The following HMCN2 variants were observed in gnomAD, a reference collection of about 807,000 sequenced individuals.
HMCN2 encodes the protein hemicentin-2.
In HMCN2, 325 loss-of-function variants were observed where a neutral mutation model predicts 377.5. The ratio of observed to expected loss-of-function variants is 0.86; its 90% confidence interval spans 0.79 to 0.94. HMCN2 has a LOEUF of 0.94. HMCN2 is among the 40% of genes least tolerant of loss of function. The pLI is 0.00. For missense variants in HMCN2, 4,543 were observed against 4,725.3 expected, an observed-to-expected ratio of 0.96 and a Z score of 1.13; for synonymous variants, 2,007 against 2,046.8, an observed-to-expected ratio of 0.98 and a Z score of 0.53.
At chr9:130,425,966 A>G (rs1195082465) in intron 90 of HMCN2, 42 bp downstream of exon 90, 5 of 1,441,436 alleles carry the variant, frequency 3.5e-6, no homozygotes, top group Non-Finnish European at 4.7e-6. Flanking sequence ...TGCCCCAGCT[A>G]AAACCTGCCA....
intron 57 of HMCN2, 64 bp from the exon 58 acceptor site, chr9:130,384,309 G>A: frequency 2.5e-6 from 3 of 1,221,058 alleles, no homozygotes; most frequent in South Asian, 1.4e-5. Flanking sequence ...TTTCTCTTGG[G>A]CTCTGTGCTC....
chr9:130,390,418 G>T (rs1261452194), intron 62 of HMCN2, among the ~76,000 whole-genome samples: 1 of 152,222 alleles, frequency 6.6e-6, no homozygotes, highest in Non-Finnish European at 1.5e-5. Context: ...TGGACATGGG[G>T]CAGTTGCTCG....
At chr9:130,365,803 C>G (rs1252926236) in intron 42 of HMCN2, 73 bp from the exon 43 acceptor site, 1 of 980,580 alleles carries the variant, frequency 1.0e-6, no homozygotes, top group African/African-American at 1.8e-5. Flanking sequence ...CCTCCTCCAG[C>G]CTGCCCTCGC....
Position 130,374,593 on chromosome 9 carries a change from GCAGGTCCTC to G in HMCN2, c.7535_7543del (p.Val2512_Gln2514del), listed in dbSNP as rs1278107547. The G allele has an allele frequency of 1.0e-6, 1 of 985,660 alleles. No individual in the cohort carries two copies. Among genetic ancestry groups the G allele is most frequent in the Non-Finnish European group, 1.2e-6 (1 of 829,962 alleles). 61.1% of individuals were successfully genotyped at this position (985,660 alleles called of 1,614,324 possible). On this transcript the variant is annotated inframe_deletion, in exon 49 of 98. Transcript: ENST00000683500. Reference sequence around the variant, plus strand: ...ACATCTCCCCAGACGGAGTCCTCCTGCAGGTCCTCCAGGCAAACCTGTCCAGTGCTGGCC... The same window carrying G: ...ACATCTCCCCAGACGGAGTCCTCCTGCAGGCAAACCTGTCCAGTGCTGGCC...
In HMCN2 at chr9:130,429,656, G is replaced by A. The variant is rs973399372; in HGVS notation, c.14297G>A (p.Arg4766Gln). The A allele has an allele frequency of 2.8e-5, 44 of 1,543,904 alleles. No homozygotes were observed. The Admixed American group carries it at 3.2e-4, about 11-fold the overall frequency. ...GHRCSCPRGY[R>Q]MQGPSLPCLD... ...CGCTGCAGCTGCCCCAGGGGTTACC[G>A]GATGCAGGGCCCCAGCCTGCCCTGC... is the stretch of plus-strand genomic sequence containing the variant. The change falls in exon 94 of 98, where the codon CGG (arginine) becomes CAG (glutamine). Residue 4766 changes from arginine (R) to glutamine (Q), a missense_variant. Around this residue, in one of 5 missense-constraint regions of HMCN2, gnomAD observed 1,155 missense variants for 1,157.7 expected, o/e 1.00. Transcript: ENST00000683500.
intron 1 of HMCN2, among the ~76,000 whole-genome samples, chr9:130,269,372 C>G (rs2131208234): frequency 7.0e-6 from 1 of 142,532 alleles, no homozygotes; most frequent in Non-Finnish European, 1.5e-5. Context: ...AAGAAACTCT[C>G]TTGTAAAAAT....
chr9:130,399,491 C>A lies in HMCN2; in HGVS notation c.11484-20C>A. The stretch of plus-strand genomic sequence containing the variant: ...TCTGTCAGCCCAGCAGCCACTTGGC[C>A]GTCTGTCTGTCCACCCCAGGCTCCT... On this transcript the variant is annotated intron_variant, in intron 75 of 97. Coordinates refer to ENST00000683500, the MANE Select transcript of HMCN2 (RefSeq NM_001291815.2). 1 of 1,263,330 alleles carries A rather than the reference C, an allele frequency of 7.9e-7. No individual in the cohort carries two copies. Among genetic ancestry groups the A allele is most frequent in the South Asian group, 1.3e-5 (1 of 79,218 alleles). The allele number at this position is 1,263,330 out of a possible 1,614,324, so 78.3% of individuals were successfully genotyped here. A position where few individuals can be genotyped will look rare whatever the true frequency, so the allele number is the denominator to read the frequency against.
chr9:130,397,412 A>G, intron 73 of HMCN2, 116 bp from the exon 74 acceptor site: 2 of 1,031,678 alleles, frequency 1.9e-6, no homozygotes, highest in East Asian at 6.2e-5. Context: ...GAGCCAAACC[A>G]TATCAGCATC....
chr9:130,397,548 G>A lies in HMCN2; in HGVS notation c.11219G>A (p.Gly3740Asp), dbSNP rs1312795187. Reference protein sequence around the residue: ...RSPRFEILPEGSLRIQPVLAQ... With the variant: ...RSPRFEILPEDSLRIQPVLAQ... Reference sequence around the variant, plus strand: ...TCTAGGTTTGAAATTCTGCCTGAGGGTTCCCTGAGAATCCAGCCAGTCCTT... The same window carrying A: ...TCTAGGTTTGAAATTCTGCCTGAGGATTCCCTGAGAATCCAGCCAGTCCTT... Residue 3740 changes from glycine to aspartate, a missense_variant, in exon 74 of 98, where the codon GGT becomes GAT. This residue lies in a region of HMCN2 where 1,073 missense variants were observed against 1,319.5 expected (regional missense o/e 0.81). Coordinates refer to ENST00000683500, the MANE Select transcript of HMCN2 (RefSeq NM_001291815.2). 2.3e-6 allele frequency: 3 copies of A among 1,289,722 alleles called. No homozygotes were observed. The highest frequency in any genetic ancestry group is 4.6e-5 in the Admixed American group (2 of 43,542). The allele number at this position is 1,289,722 out of a possible 1,614,324, so 79.9% of individuals were successfully genotyped here.
intron 80 of HMCN2, among the ~76,000 whole-genome samples, 178 bp from the exon 81 acceptor site, chr9:130,404,691 A>G (rs1843005849): frequency 1.3e-5 from 2 of 152,264 alleles, no homozygotes; most frequent in South Asian, 4.1e-4. Context: ...CAGCTACACC[A>G]AACTCAGGGA....
intron 83 of HMCN2, among the ~76,000 whole-genome samples, 164 bp downstream of exon 83, chr9:130,407,869 G>A (rs1441929295): frequency 6.6e-6 from 1 of 152,184 alleles, no homozygotes; most frequent in Non-Finnish European, 1.5e-5. Context: ...TGAAGTCCAA[G>A]TTCTACTTCC....
rs150273039 is a variant in HMCN2, at chr9:130,305,796, C to T, written c.1817-333C>T. ...GGGTCAACCTCAAGGTCACTGGAGA[C>T]AGGAGCCGTCCCCAGCCCTGGTAGC... is the stretch of plus-strand genomic sequence containing the variant. On this transcript the variant is annotated intron_variant, in intron 11 of 97. Transcript: ENST00000683500. Among the ~76,000 whole-genome samples, 158 of 152,316 alleles carry T rather than the reference C, an allele frequency of 1.0e-3. 1 individual carries two copies. Among genetic ancestry groups the T allele is most frequent in the African/African-American group, 3.7e-3 (152 of 41,564 alleles).
At chr9:130,377,153 AC>A (rs1588344774) in intron 52 of HMCN2, among the ~76,000 whole-genome samples, 1 of 151,368 alleles carries the variant, frequency 6.6e-6, no homozygotes, top group South Asian at 2.1e-4. Flanking sequence ...TCGCTCTGTC[AC>A]CCAGGCTGGA....
intron 1 of HMCN2, among the ~76,000 whole-genome samples, chr9:130,270,841 G>A (rs2131214552): frequency 6.7e-6 from 1 of 148,512 alleles, no homozygotes; most frequent in East Asian, 1.9e-4. Context: ...GCCTCCCAAA[G>A]CAGGGGAATT....
intron 22 of HMCN2, among the ~76,000 whole-genome samples, chr9:130,336,959 G>T (rs904929183): frequency 6.6e-6 from 1 of 152,102 alleles, no homozygotes; most frequent in African/African-American, 2.4e-5. Flanking sequence ...TGGGGGCCAG[G>T]CATCCCGGGC....
intron 60 of HMCN2, 46 bp from the exon 61 acceptor site, chr9:130,386,397 A>C (rs1588366844): frequency 8.1e-7 from 1 of 1,241,788 alleles, no homozygotes; most frequent in South Asian, 1.3e-5. Flanking sequence ...CTAGCACCCC[A>C]CTTCCAGCTC....
intron 97 of HMCN2, 29 bp from the exon 98 acceptor site, chr9:130,433,319 G>T: frequency 7.1e-7 from 1 of 1,400,974 alleles, no homozygotes; most frequent in Non-Finnish European, 9.2e-7. Flanking sequence ...CCCCGAGTCC[G>T]CCTGTCCGTG....
intron 45 of HMCN2, among the ~76,000 whole-genome samples, chr9:130,370,623 G>A (rs528230157): frequency 2.6e-5 from 4 of 152,348 alleles, no homozygotes; most frequent in East Asian, 1.9e-4. Flanking sequence ...ATCTGGCTTC[G>A]CCTTTGCACT....
chr9:130,426,162 A>G (rs1257881856), intron 90 of HMCN2, among the ~76,000 whole-genome samples: 2 of 151,982 alleles, frequency 1.3e-5, no homozygotes. Flanking sequence ...CAACCTCTGG[A>G]TCCTTTCCCC....
Sources: allele counts gnomAD v4.1 joint callset (sites outside exome capture counted in the v4.1 genomes callset), GRCh38; gene constraint gnomAD v4.1.1; regional missense constraint gnomAD v4.1.1; transcripts MANE v1.5; gene names NCBI Gene and HGNC (gene_info 2026-07-23, HGNC 2026-07-21).